Variants in ATG13 observed in about 807,000 individuals in gnomAD.
ATG13 encodes autophagy related 13.
In ATG13, 23 loss-of-function variants were observed where a neutral mutation model predicts 65.5. The ratio of observed to expected loss-of-function variants is 0.35; its 90% confidence interval spans 0.25 to 0.50. ATG13 has a LOEUF of 0.50. ATG13 is among the 20% of genes least tolerant of loss of function. ATG13 has a pLI of 0.98. For synonymous variants in ATG13, 252 were observed against 245.2 expected (o/e 1.03, Z -0.26); for missense variants, 566 against 677.0 (o/e 0.84, Z 1.82).
chr11:46,668,386 G>C, intron 15 of ATG13, 113 bp from the exon 16 acceptor site: 1 of 1,047,460 alleles, frequency 9.5e-7, no homozygotes, highest in Non-Finnish European at 1.5e-6. Flanking sequence ...GGGGCAGCAT[G>C]GTCAGCATAG....
chr11:46,663,890 C>T (rs1565599968), intron 11 of ATG13, 107 bp from the exon 12 acceptor site: 2 of 788,420 alleles, frequency 2.5e-6, no homozygotes, highest in Admixed American at 2.6e-5. Flanking sequence ...CAGTTCTGGC[C>T]TCTCTTGCTA....
At chr11:46,623,153 G>A (rs920794879) in intron 1 of ATG13, among the ~76,000 whole-genome samples, 2 of 152,164 alleles carry the variant, frequency 1.3e-5, no homozygotes, top group East Asian at 1.9e-4. Flanking sequence ...AATTAGCCGT[G>A]TGTGGTGGCG....
chr11:46,646,240 C>A (rs977881194), intron 5 of ATG13, among the ~76,000 whole-genome samples: 1 of 152,080 alleles, frequency 6.6e-6, no homozygotes, highest in Non-Finnish European at 1.5e-5. Flanking sequence ...CCTCTGCCTC[C>A]CAGGTTCAAG....
In ATG13 at chr11:46,659,432, G is replaced by A. The variant is rs1310281217; in HGVS notation, c.736G>A (p.Glu246Lys). 6.2e-7 allele frequency: 1 copy of A among 1,614,072 alleles called. No homozygotes were observed. The highest frequency in any genetic ancestry group is 2.2e-5 in the East Asian group (1 of 44,886). The change falls in exon 11 of 19, where the codon GAA (glutamate) becomes AAA (lysine). Residue 246 changes from glutamate to lysine, a missense_variant. Coordinates refer to ENST00000683050, the MANE Select transcript of ATG13 (RefSeq NM_001346311.2). Reference protein sequence around the residue: ...EDTGVIYPSVEDSQEVCTTSF... With the variant: ...EDTGVIYPSVKDSQEVCTTSF... The stretch of plus-strand genomic sequence containing the variant: ...CACTGGAGTAATATACCCGTCTGTA[G>A]AAGACTCTCAAGAAGTGTGTACCAC...
At chr11:46,668,616 C>G in intron 16 of ATG13, 40 bp downstream of exon 16, 1 of 1,588,488 alleles carries the variant, frequency 6.3e-7, no homozygotes, top group Non-Finnish European at 8.6e-7. Flanking sequence ...GTAGATGGTG[C>G]GCTAGTCATT....
rs1290691440 is a variant in ATG13 at position 46,652,130 on chromosome 11, C to G, written c.458+1813C>G. 2.6e-5 allele frequency among the ~76,000 whole-genome samples: 4 copies of G among 152,108 alleles called. No individual in the cohort carries two copies. The East Asian group carries it at 7.7e-4, about 29-fold the overall frequency. On this transcript the variant is annotated intron_variant, in intron 7 of 18. Coordinates refer to ENST00000683050, the MANE Select transcript of ATG13 (RefSeq NM_001346311.2). ...GGGCAGGGTGGCACGCTCCTGTAAT[C>G]CCAGCTACTCGGGAGGCTGAGGCAT...
intron 18 of ATG13, among the ~76,000 whole-genome samples, chr11:46,671,364 C>T (rs2063686500): frequency 6.6e-6 from 1 of 152,212 alleles, no homozygotes; most frequent in African/African-American, 2.4e-5. Context: ...TTAAACTTCT[C>T]ACAGTTCTGT....
rs1243406721 is a variant in ATG13, at chr11:46,672,687, C to T, written c.*355C>T. 1 of 1,368,836 alleles carries T rather than the reference C, an allele frequency of 7.3e-7. No homozygotes were observed. Among genetic ancestry groups the T allele is most frequent in the South Asian group, 1.1e-5 (1 of 88,092 alleles). 84.8% of individuals were successfully genotyped at this position (1,368,836 alleles called of 1,614,324 possible). A position where few individuals can be genotyped will look rare whatever the true frequency, so the allele number is the denominator to read the frequency against. On this transcript the variant is annotated 3_prime_UTR_variant, in exon 19 of 19. Transcript: ENST00000683050. ...CGGCCTCCTGCCTGGGCCTGCCTTGCAGCTGGCCCCTTCCCTGCCTGCTGT... is the reference window on the plus strand; with the variant it reads ...CGGCCTCCTGCCTGGGCCTGCCTTGTAGCTGGCCCCTTCCCTGCCTGCTGT...
chr11:46,672,559 G>T lies in ATG13; in HGVS notation c.*227G>T. On this transcript the variant is annotated 3_prime_UTR_variant, in exon 19 of 19. Transcript: ENST00000683050. Reference sequence around the variant, plus strand: ...AGAAGACTCACGTGCTGGCCTTGGAGATGGGAAGAACCTTCGTACGAAAAA... The same window carrying T: ...AGAAGACTCACGTGCTGGCCTTGGATATGGGAAGAACCTTCGTACGAAAAA... The T allele has an allele frequency of 6.9e-7, 1 of 1,440,972 alleles. No individual in the cohort carries two copies. Among genetic ancestry groups the T allele is most frequent in the Non-Finnish European group, 9.1e-7 (1 of 1,093,742 alleles). The allele number at this position is 1,440,972 out of a possible 1,614,324, so 89.3% of individuals were successfully genotyped here.
intron 2 of ATG13, among the ~76,000 whole-genome samples, chr11:46,632,905 G>GTAA (rs2052336143): frequency 6.7e-6 from 1 of 149,672 alleles, no homozygotes; most frequent in South Asian, 2.1e-4. Context: ...GCTCACAACT[G>GTAA]TAATCCCAGT....
intron 1 of ATG13, among the ~76,000 whole-genome samples, chr11:46,628,110 A>G (rs1377360827): frequency 1.3e-5 from 2 of 151,664 alleles, no homozygotes; most frequent in Non-Finnish European, 2.9e-5. Context: ...AAGGCAGGAA[A>G]AAAAGCATTT....
chr11:46,655,349 G>C (rs779814329), intron 7 of ATG13, among the ~76,000 whole-genome samples: 2 of 152,158 alleles, frequency 1.3e-5, no homozygotes, highest in African/African-American at 2.4e-5. Context: ...AGTGAGCCGA[G>C]ATTGCACCAC....
chr11:46,650,428 G>A, intron 7 of ATG13, 111 bp downstream of exon 7: 1 of 1,392,766 alleles, frequency 7.2e-7, no homozygotes. Context: ...TTGGTTTGTT[G>A]GATTATTGAT....
chr11:46,633,636 C>T (rs1157701219), intron 2 of ATG13, among the ~76,000 whole-genome samples: 2 of 152,012 alleles, frequency 1.3e-5, no homozygotes, highest in African/African-American at 4.8e-5. Context: ...CGTGAGCCAC[C>T]GTGCCTGGCC....
intron 2 of ATG13, chr11:46,638,523 T>A (rs892867305): frequency 6.6e-6 from 1 of 152,182 alleles, no homozygotes; most frequent in African/African-American, 2.4e-5. Context: ...TATAGAACAC[T>A]GGAACTTATT....
chr11:46,672,898 C>A lies in ATG13; in HGVS notation c.*566C>A. On this transcript the variant is annotated 3_prime_UTR_variant, in exon 19 of 19. Transcript: ENST00000683050. ...CTTGCCTCTATGCCTGTATTTCTGG[C>A]AATATGACAGGCCTGCCTACCCAAG... 1.0e-6 allele frequency: 1 copy of A among 991,530 alleles called. No individual in the cohort carries two copies. The highest frequency in any genetic ancestry group is 1.3e-6 in the Non-Finnish European group (1 of 761,700). The allele number at this position is 991,530 out of a possible 1,614,324, so 61.4% of individuals were successfully genotyped here.
chr11:46,646,835 T>C (rs1293908094), intron 5 of ATG13, among the ~76,000 whole-genome samples: 1 of 151,578 alleles, frequency 6.6e-6, no homozygotes, highest in African/African-American at 2.4e-5. Flanking sequence ...TCATGGCTCA[T>C]TGCAGCCTCG....
intron 1 of ATG13, chr11:46,629,794 T>C (rs2051043070): frequency 6.6e-6 from 1 of 152,152 alleles, no homozygotes; most frequent in South Asian, 2.1e-4. Context: ...CTCCATAATA[T>C]CATGAATTTT....
chr11:46,618,269 A>G (rs975428853), intron 1 of ATG13: 2 of 170,958 alleles, frequency 1.2e-5, no homozygotes, highest in African/African-American at 4.7e-5. Flanking sequence ...GGTGAGGGTG[A>G]CTGTTGACTA....
Sources: gnomAD v4.1 joint callset for allele counts (sites outside exome capture counted in the v4.1 genomes callset) on GRCh38, gnomAD v4.1.1 for gene constraint, MANE v1.5 for transcripts, NCBI Gene and HGNC (gene_info 2026-07-23, HGNC 2026-07-21) for gene names.